The following POM121 variants were observed in gnomAD, a reference collection of about 807,000 sequenced individuals.
POM121 encodes the protein nuclear envelope pore membrane protein POM 121.
Under a neutral mutation model 81.3 loss-of-function variants are expected in POM121, and 32 were observed. The ratio of observed to expected loss-of-function variants is 0.39; its 90% CI spans 0.30 to 0.53. POM121 has a LOEUF of 0.53. POM121 is among the 20% of genes least tolerant of loss of function. The pLI is 0.66. For synonymous variants in POM121, 514 were observed against 694.2 expected (o/e 0.74, Z 4.08); for missense variants, 1,138 against 1,614.6 (o/e 0.70, Z 5.06).
At chr7:72,934,166 C>A (rs1321834718) in intron 5 of POM121, among the ~76,000 whole-genome samples, 3 of 151,976 alleles carry the variant, frequency 2.0e-5, no homozygotes, top group Admixed American at 6.6e-5. Flanking sequence ...CTCACTGCAA[C>A]CTCCACCTCC....
chr7:72,906,441 G>T (rs1343144048), intron 3 of POM121, among the ~76,000 whole-genome samples: 2 of 152,204 alleles, frequency 1.3e-5, no homozygotes, highest in African/African-American at 4.8e-5. Context: ...CCACTCACTG[G>T]TGAAGATCAG....
intron 3 of POM121, among the ~76,000 whole-genome samples, chr7:72,901,000 T>C (rs1792575375): frequency 6.6e-6 from 1 of 151,896 alleles, no homozygotes; most frequent in Admixed American, 6.6e-5. Context: ...GTTTTTTTTT[T>C]TAAGAGATGG....
At chr7:72,912,887 C>T (rs562993084) in intron 3 of POM121, among the ~76,000 whole-genome samples, 2 of 152,204 alleles carry the variant, frequency 1.3e-5, no homozygotes, top group African/African-American at 4.8e-5. Flanking sequence ...ATTCAGTGTC[C>T]GCGTCATCAG....
chr7:72,913,022 C>A (rs1793959237), intron 3 of POM121, among the ~76,000 whole-genome samples: 1 of 152,148 alleles, frequency 6.6e-6, no homozygotes, highest in African/African-American at 2.4e-5. Context: ...CTTGTCTTAT[C>A]TATTATTTAG....
chr7:72,932,945 A>G (rs1173679932), intron 5 of POM121, among the ~76,000 whole-genome samples: 17 of 151,560 alleles, frequency 1.1e-4, no homozygotes, highest in Admixed American at 3.3e-4. Flanking sequence ...CCAGCTACTC[A>G]GGAGGCTGAG....
At chr7:72,931,182 A>G (rs782616369) in intron 5 of POM121, among the ~76,000 whole-genome samples, 1 of 152,164 alleles carries the variant, frequency 6.6e-6, no homozygotes, top group African/African-American at 2.4e-5. Context: ...ATATCTAGTT[A>G]TTATTTTTGA....
downstream of POM121, chr7:72,948,715 A>G (rs1044884): frequency 6.4e-6 from 10 of 1,565,802 alleles, no homozygotes; most frequent in African/African-American, 8.2e-5. Context: ...AGCCACCGCT[A>G]AGCGTGGTCT....
chr7:72,927,255 C>T (rs868981207), intron 3 of POM121, among the ~76,000 whole-genome samples: 6 of 152,310 alleles, frequency 3.9e-5, no homozygotes, highest in South Asian at 4.1e-4. Context: ...AGTTTATTTT[C>T]AAGAAAGAAG....
intron 1 of POM121, among the ~76,000 whole-genome samples, chr7:72,883,460 G>A (rs1408220550): frequency 2.0e-5 from 3 of 152,030 alleles, no homozygotes; most frequent in Non-Finnish European, 4.4e-5. Context: ...GGCCAATAAG[G>A]AATCTTTTTA....
downstream of POM121, chr7:72,949,122 G>T (rs374307663): frequency 1.3e-4 from 192 of 1,519,852 alleles, 1 homozygote; most frequent in Middle Eastern, 5.1e-4. Context: ...AGCGTGTCTC[G>T]GTTACACAGC....
intron 3 of POM121, among the ~76,000 whole-genome samples, chr7:72,904,892 A>G (rs1586101932): frequency 1.3e-5 from 2 of 152,114 alleles, no homozygotes; most frequent in African/African-American, 4.8e-5. Context: ...AGTGCAGGGG[A>G]AACTGCCACT....
chr7:72,916,371 T>G (rs548612898), intron 4 of POM121, among the ~76,000 whole-genome samples: 1 of 152,350 alleles, frequency 6.6e-6, no homozygotes, highest in African/African-American at 2.4e-5. Flanking sequence ...AGGGTCCAGT[T>G]TCAGCTTTCT....
chr7:72,933,380 C>T (rs1210055141), intron 5 of POM121, among the ~76,000 whole-genome samples: 8 of 152,074 alleles, frequency 5.3e-5, no homozygotes, highest in South Asian at 2.1e-4. Context: ...TAATTTTTGT[C>T]TCTTATGAGT....
intron 1 of POM121, 83 bp from the exon 2 acceptor site, chr7:72,926,179 C>G (rs1795424788): frequency 2.2e-6 from 3 of 1,357,748 alleles, no homozygotes; most frequent in African/African-American, 1.4e-5. Flanking sequence ...TGGAAAATGT[C>G]TGAACTGGTG....
exon 4 of POM121, chr7:72,913,813 C>G (rs1242596097): frequency 6.6e-6 from 1 of 152,292 alleles, no homozygotes; most frequent in Non-Finnish European, 1.5e-5. Flanking sequence ...GAGGCCTTTG[C>G]TGACTGACCC....
Position 72,926,265 on chromosome 7 carries a change from T to C in POM121, c.648T>C (p.Asp216=), listed in dbSNP as rs1457586473. 1.9e-6 allele frequency: 3 copies of C among 1,556,574 alleles called. No individual in the cohort carries two copies. The highest frequency in any genetic ancestry group is 3.9e-5 in the Admixed American group (2 of 51,296). Residue 216 remains aspartate (D), a synonymous_variant, in exon 2 of 13, where the codon GAT becomes GAC. Transcript: ENST00000434423. The part of the protein sequence containing the change: ...LRPSRRPSPR[D]CGTLPNRFVI... ...ATTTGTCTCGCATTCTCTGCAGGGA[T>C]TGTGGGACTTTACCAAATCGGTTTG...
chr7:72,946,078 C>T (rs1484578916), intron 12 of POM121, 59 bp from the exon 13 acceptor site: 2 of 1,591,792 alleles, frequency 1.3e-6, no homozygotes, highest in Non-Finnish European at 1.7e-6. Flanking sequence ...GATTTGGGCA[C>T]CCAGAGTCAG....
chr7:72,936,715 T>A (rs1796546436), intron 5 of POM121, among the ~76,000 whole-genome samples: 1 of 152,220 alleles, frequency 6.6e-6, no homozygotes. Context: ...TCTGGCCCCT[T>A]TGGCATTTCT....
chr7:72,945,336 G>T (rs1355686879), intron 11 of POM121, among the ~76,000 whole-genome samples: 1 of 151,802 alleles, frequency 6.6e-6, no homozygotes, highest in Non-Finnish European at 1.5e-5. Context: ...CCACGAGGTG[G>T]CTGCGGGGCA....
Sources: allele counts gnomAD v4.1 joint callset (sites outside exome capture counted in the v4.1 genomes callset), GRCh38; gene constraint gnomAD v4.1.1; transcripts MANE v1.5; gene names NCBI Gene and HGNC (gene_info 2026-07-23, HGNC 2026-07-21).